The following ELMO1 variants were observed in gnomAD, a reference collection of about 807,000 sequenced individuals.
The protein encoded by ELMO1 is engulfment and cell motility 1.
ELMO1 carries 26 observed loss-of-function variants against 98.9 expected under a neutral mutation model. That is an observed-to-expected ratio of 0.26 (90% confidence interval 0.19 to 0.36). The LOEUF is 0.36. Among genes scored for constraint, ELMO1 ranks in the 10% least tolerant of loss-of-function variants. The pLI is 1.00. For synonymous variants in ELMO1, 346 were observed against 346.0 expected, an observed-to-expected ratio of 1.00 and a Z score of 0.00; for missense variants, 627 against 935.2, an observed-to-expected ratio of 0.67 and a Z score of 4.30.
At chr7:36,972,419 G>A (rs73117514) in intron 16 of ELMO1, among the ~76,000 whole-genome samples, 7 of 152,340 alleles carry the variant, frequency 4.6e-5, no homozygotes, top group East Asian at 1.9e-4. Context: ...CTGCCATGAC[G>A]AAGTATGGCA....
chr7:37,233,303 G>A (rs1794283467), intron 7 of ELMO1, 109 bp from the exon 8 acceptor site: 1 of 869,320 alleles, frequency 1.2e-6, no homozygotes, highest in Non-Finnish European at 1.7e-6. Flanking sequence ...AAAAGATCAA[G>A]AGACAAATAG....
intron 16 of ELMO1, among the ~76,000 whole-genome samples, chr7:36,962,008 G>C (rs1315825192): frequency 6.6e-6 from 1 of 152,212 alleles, no homozygotes; most frequent in African/African-American, 2.4e-5. Flanking sequence ...AAATGGAAAT[G>C]ATCTTTTAAT....
chr7:37,016,794 G>A (rs918650187), intron 15 of ELMO1, among the ~76,000 whole-genome samples: 2 of 152,194 alleles, frequency 1.3e-5, no homozygotes, highest in Non-Finnish European at 2.9e-5. Flanking sequence ...TTATAAATAG[G>A]AGATTGAGAA....
intron 16 of ELMO1, among the ~76,000 whole-genome samples, chr7:36,925,067 C>T (rs1448973429): frequency 2.6e-5 from 4 of 152,122 alleles, no homozygotes; most frequent in African/African-American, 4.8e-5. Flanking sequence ...TTGTACAATG[C>T]ACAGGACAGA....
intron 1 of ELMO1, among the ~76,000 whole-genome samples, chr7:37,365,402 G>A (rs1187225641): frequency 6.6e-6 from 1 of 152,208 alleles, no homozygotes; most frequent in Non-Finnish European, 1.5e-5. Context: ...TCTAGTTGGT[G>A]TGGGCCAACA....
intron 1 of ELMO1, among the ~76,000 whole-genome samples, chr7:37,382,559 C>T (rs1802623087): frequency 6.6e-6 from 1 of 152,146 alleles, no homozygotes; most frequent in Non-Finnish European, 1.5e-5. Context: ...TCCCCACCAT[C>T]CCATACCAGG....
chr7:37,005,128 A>C (rs1020066337), intron 16 of ELMO1, among the ~76,000 whole-genome samples: 1 of 150,716 alleles, frequency 6.6e-6, no homozygotes, highest in African/African-American at 2.4e-5. Context: ...AAAAAAAAAA[A>C]AAAAGAAAAA....
intron 1 of ELMO1, among the ~76,000 whole-genome samples, chr7:37,416,314 T>A (rs1404539307): frequency 2.0e-5 from 3 of 152,258 alleles, no homozygotes; most frequent in Non-Finnish European, 4.4e-5. Context: ...GTTTTAACCG[T>A]ATGGAAAATT....
intron 1 of ELMO1, among the ~76,000 whole-genome samples, chr7:37,421,728 C>G (rs1458749637): frequency 1.3e-5 from 2 of 152,216 alleles, no homozygotes; most frequent in Non-Finnish European, 2.9e-5. Flanking sequence ...TTTATCAAAA[C>G]TAGATTGCAA....
In ELMO1 at chr7:36,855,249, G is replaced by A; in HGVS notation, c.*302C>T. ...GGAAGGAAGGGCATGCCTGCAGAGGGCTAGGATGGAAGGGCCCTTTGGCCT... is the reference window on the plus strand; with the variant it reads ...GGAAGGAAGGGCATGCCTGCAGAGGACTAGGATGGAAGGGCCCTTTGGCCT... On this transcript the variant is annotated 3_prime_UTR_variant, in exon 22 of 22. Transcript: ENST00000310758. The surrounding 1 kb of genome is among the most constrained non-coding windows in gnomAD (Gnocchi z 4.2). The A allele has an allele frequency of 2.4e-6, 1 of 418,332 alleles. No homozygotes were observed. The highest frequency in any genetic ancestry group is 5.2e-5 in the East Asian group (1 of 19,316). The allele number at this position is 418,332 out of a possible 1,614,324, so 25.9% of individuals were successfully genotyped here. A position where few individuals can be genotyped will look rare whatever the true frequency, so the allele number is the denominator to read the frequency against.
At chr7:37,273,516 CTT>C (rs1388935646) in intron 4 of ELMO1, among the ~76,000 whole-genome samples, 1 of 152,214 alleles carries the variant, frequency 6.6e-6, no homozygotes, top group East Asian at 1.9e-4. Context: ...ATTAAACCCT[CTT>C]TTCTTTATAA....
chr7:36,937,953 A>G (rs1041322955), intron 16 of ELMO1, among the ~76,000 whole-genome samples: 4 of 152,350 alleles, frequency 2.6e-5, no homozygotes, highest in African/African-American at 9.6e-5. Flanking sequence ...GAGAAACACT[A>G]TTCTAGAAGC....
intron 4 of ELMO1, among the ~76,000 whole-genome samples, chr7:37,285,914 A>G (rs1481352219): frequency 6.6e-6 from 1 of 152,072 alleles, no homozygotes; most frequent in Non-Finnish European, 1.5e-5. Flanking sequence ...CAATCAAACG[A>G]CATGTGCAAA....
intron 1 of ELMO1, among the ~76,000 whole-genome samples, chr7:37,389,051 C>T (rs531274295): frequency 6.6e-6 from 1 of 152,304 alleles, no homozygotes; most frequent in African/African-American, 2.4e-5. Flanking sequence ...TACATTTTTC[C>T]GGTTTCCTCC....
intron 1 of ELMO1, among the ~76,000 whole-genome samples, chr7:37,395,701 CA>C (rs1395478190): frequency 6.6e-6 from 1 of 152,208 alleles, no homozygotes; most frequent in Non-Finnish European, 1.5e-5. Flanking sequence ...TCTTCTCTCT[CA>C]ACATCTTGTT....
intron 14 of ELMO1, among the ~76,000 whole-genome samples, chr7:37,131,297 G>A (rs899207396): frequency 2.8e-4 from 43 of 152,134 alleles, no homozygotes; most frequent in African/African-American, 9.4e-4. Flanking sequence ...AAAAGTGCAT[G>A]TGGACCAAAA....
intron 13 of ELMO1, among the ~76,000 whole-genome samples, chr7:37,159,684 G>A (rs1306407602): frequency 1.3e-5 from 2 of 152,012 alleles, no homozygotes; most frequent in African/African-American, 2.4e-5. Flanking sequence ...GGGTGACACA[G>A]CGAGACTCTG....
rs982335277 is a variant in ELMO1 at position 36,883,823 on chromosome 7, C to T, written c.1714+3737G>A. Among the ~76,000 whole-genome samples, 4 of 152,188 alleles carry T rather than the reference C, an allele frequency of 2.6e-5. No homozygotes were observed. The South Asian group carries it at 8.3e-4, about 32-fold the overall frequency. The stretch of plus-strand genomic sequence containing the variant: ...ATAGTAATGCGAGAATGGACTAATA[C>T]AGTGTCCCTAACACAGACATCTTCT... On this transcript the variant is annotated intron_variant, in intron 18 of 21. Transcript: ENST00000310758.
chr7:37,370,361 T>C lies in ELMO1; in HGVS notation c.-73-27598A>G, dbSNP rs141383209. On this transcript the variant is annotated intron_variant, in intron 1 of 21. Transcript: ENST00000310758. ...TATATTTAAGCATCAACCATCTGGT[T>C]CCTTCTTGAGTTTTCATATGTTTTG... Among the ~76,000 whole-genome samples, 138 of 152,302 alleles carry C rather than the reference T, an allele frequency of 9.1e-4. 1 individual carries two copies. The highest frequency in any genetic ancestry group is 3.1e-3 in the African/African-American group (130 of 41,574).
Sources: allele counts gnomAD v4.1 joint callset (sites outside exome capture counted in the v4.1 genomes callset), GRCh38; gene constraint gnomAD v4.1.1; non-coding constraint Gnocchi (gnomAD v3.1); transcripts MANE v1.5; gene names NCBI Gene and HGNC (gene_info 2026-07-23, HGNC 2026-07-21).